The following DIAPH3 variants were observed in gnomAD, a reference collection of about 807,000 sequenced individuals.
The protein encoded by DIAPH3 is protein diaphanous homolog 3.
In DIAPH3, 117 loss-of-function variants were observed where a neutral mutation model predicts 144.3. The ratio of observed to expected loss-of-function variants is 0.81; its 90% CI spans 0.70 to 0.95. The LOEUF (loss-of-function observed/expected upper bound fraction) is 0.95. DIAPH3 is among the 40% of genes least tolerant of loss of function. DIAPH3 has a pLI of 0.00. For missense variants in DIAPH3, 1,421 were observed against 1,412.7 expected (o/e 1.01, Z -0.09); for synonymous variants, 519 against 488.9 (o/e 1.06, Z -0.81).
At chr13:59,763,043 A>T (rs986304525) in intron 27 of DIAPH3, among the ~76,000 whole-genome samples, 12 of 152,130 alleles carry the variant, frequency 7.9e-5, no homozygotes, top group African/African-American at 2.9e-4. Flanking sequence ...TCTGTTCATA[A>T]GTTACCCAGT....
At chr13:59,712,176 A>C (rs1391274038) in intron 27 of DIAPH3, among the ~76,000 whole-genome samples, 2 of 152,220 alleles carry the variant, frequency 1.3e-5, no homozygotes, top group Non-Finnish European at 2.9e-5. Context: ...AGAAACAGAG[A>C]GGCAGAAAGA....
Position 60,089,661 on chromosome 13 carries a change from G to T in DIAPH3, c.495+3967C>A, listed in dbSNP as rs181989441. 5.1e-3 allele frequency among the ~76,000 whole-genome samples: 780 copies of T among 152,196 alleles called. 2 individuals carry two copies. The highest frequency in any genetic ancestry group is 7.7e-3 in the Admixed American group (118 of 15,284). ...AACTGCATCACAGTCTTACCTTCCA[G>T]CTACGTGATCTAACAAGTCAAGTCT... is the stretch of plus-strand genomic sequence containing the variant. On this transcript the variant is annotated intron_variant, in intron 4 of 27. Transcript: ENST00000400324.
intron 9 of DIAPH3, among the ~76,000 whole-genome samples, chr13:60,004,696 T>C (rs547247462): frequency 1.3e-5 from 2 of 152,276 alleles, no homozygotes; most frequent in South Asian, 4.1e-4. Context: ...GATGCTAAAA[T>C]AATCTTTCAC....
chr13:59,820,257 C>A (rs1220192209), intron 24 of DIAPH3, among the ~76,000 whole-genome samples: 2 of 151,874 alleles, frequency 1.3e-5, no homozygotes, highest in Non-Finnish European at 2.9e-5. Flanking sequence ...CGATGGTACA[C>A]TGAGCTGATC....
chr13:60,031,732 CTTTTT>C (rs1165739891), intron 5 of DIAPH3, among the ~76,000 whole-genome samples: 6 of 64,668 alleles, frequency 9.3e-5, no homozygotes, highest in Non-Finnish European at 1.6e-4. Context: ...GTCATTAAAT[CTTTTT>C]TTTTTTTTTT....
intron 20 of DIAPH3, among the ~76,000 whole-genome samples, chr13:59,891,958 C>A (rs552094700): frequency 7.9e-5 from 12 of 151,912 alleles, no homozygotes; most frequent in Admixed American, 7.2e-4. Flanking sequence ...TTTATTGAAC[C>A]CTTATTTATG....
At chr13:60,103,688 C>G (rs1260729404) in intron 3 of DIAPH3, among the ~76,000 whole-genome samples, 1 of 152,112 alleles carries the variant, frequency 6.6e-6, no homozygotes, top group Admixed American at 6.5e-5. Flanking sequence ...GGGTTAAAGC[C>G]AACATAATTA....
At chr13:59,927,536 T>C (rs1038233007) in intron 17 of DIAPH3, among the ~76,000 whole-genome samples, 3 of 152,214 alleles carry the variant, frequency 2.0e-5, no homozygotes, top group Non-Finnish European at 2.9e-5. Context: ...AGCTTTCTTT[T>C]GCTTCCAGAT....
At chr13:59,740,211 T>C (rs1410993374) in intron 27 of DIAPH3, among the ~76,000 whole-genome samples, 1 of 152,226 alleles carries the variant, frequency 6.6e-6, no homozygotes, top group Non-Finnish European at 1.5e-5. Flanking sequence ...ATATACCCCA[T>C]GTAAGAACCA....
intron 17 of DIAPH3, among the ~76,000 whole-genome samples, 163 bp from the exon 18 acceptor site, chr13:59,925,033 T>C (rs950489374): frequency 1.2e-4 from 19 of 152,066 alleles, no homozygotes; most frequent in Admixed American, 1.2e-3. Flanking sequence ...ACCTGAACTG[T>C]TGAAGATAGA....
chr13:59,795,734 T>C (rs2039566795), intron 25 of DIAPH3, among the ~76,000 whole-genome samples: 1 of 152,114 alleles, frequency 6.6e-6, no homozygotes, highest in African/African-American at 2.4e-5. Flanking sequence ...ATTACAGGCG[T>C]GAAACACTGC....
chr13:60,159,313 T>C (rs1321959540), intron 1 of DIAPH3, among the ~76,000 whole-genome samples: 2 of 152,108 alleles, frequency 1.3e-5, no homozygotes, highest in Non-Finnish European at 2.9e-5. Context: ...TGGGAGAGAA[T>C]TCAGGACAGT....
At chr13:60,011,308 C>A (rs931701701) in intron 7 of DIAPH3, among the ~76,000 whole-genome samples, 1 of 152,028 alleles carries the variant, frequency 6.6e-6, no homozygotes, top group African/African-American at 2.4e-5. Flanking sequence ...AACAAACAGC[C>A]AGATACGGAA....
intron 5 of DIAPH3, among the ~76,000 whole-genome samples, chr13:60,033,347 T>C (rs2054949581): frequency 6.6e-6 from 1 of 152,204 alleles, no homozygotes. Context: ...TTTTACCAAT[T>C]TTCTGCATTA....
At chr13:59,877,038 C>T (rs1272931566) in intron 21 of DIAPH3, among the ~76,000 whole-genome samples, 7 of 152,112 alleles carry the variant, frequency 4.6e-5, no homozygotes. Context: ...AACCCTTCTG[C>T]CGTTACCTTA....
chr13:60,056,292 G>A (rs1027757855), intron 4 of DIAPH3, among the ~76,000 whole-genome samples: 8 of 150,966 alleles, frequency 5.3e-5, no homozygotes, highest in East Asian at 1.9e-4. Flanking sequence ...GAGAGAGAAC[G>A]AGCAATAGAG....
In DIAPH3 at chr13:59,696,232, A is replaced by G. The variant is rs531479131; in HGVS notation, c.3320-29386T>C. 4 of 152,240 alleles carry G rather than the reference A, an allele frequency of 2.6e-5. No homozygotes were observed. In the South Asian group the frequency reaches 8.3e-4, roughly 32 times the overall value. The allele number at this position is 152,240 out of a possible 1,614,324, so 9.4% of individuals were successfully genotyped here. On this transcript the variant is annotated intron_variant, in intron 27 of 27. Transcript: ENST00000400324. ...AAATGGCATGTTACTGAAATTAACA[A>G]TCACTTTTTAGAAATAGCTCAATGG... is the stretch of plus-strand genomic sequence containing the variant.
At chr13:60,149,752 C>CAAAA (rs35814915) in intron 1 of DIAPH3, among the ~76,000 whole-genome samples, 5 of 95,304 alleles carry the variant, frequency 5.2e-5, no homozygotes, top group East Asian at 3.9e-4. Context: ...GACACTGTCT[C>CAAAA]AAAAAAAAAA....
intron 20 of DIAPH3, among the ~76,000 whole-genome samples, chr13:59,899,406 T>C (rs2046310771): frequency 6.6e-6 from 1 of 152,146 alleles, no homozygotes; most frequent in African/African-American, 2.4e-5. Context: ...ACAAAGGACC[T>C]GTGAAAAAAG....
Sources: allele counts gnomAD v4.1 joint callset (sites outside exome capture counted in the v4.1 genomes callset), GRCh38; gene constraint gnomAD v4.1.1; transcripts MANE v1.5; gene names NCBI Gene and HGNC (gene_info 2026-07-23, HGNC 2026-07-21).